GRIK5: variants seen among roughly 807,000 people sequenced by gnomAD.
GRIK5 encodes the protein glutamate receptor ionotropic, kainate 5.
A neutral mutation model predicts 97.4 loss-of-function variants in GRIK5; 43 were observed. The ratio of observed to expected loss-of-function variants is 0.44; its 90% CI spans 0.35 to 0.57. GRIK5 has a LOEUF of 0.57. Ranked by LOEUF, GRIK5 falls within the 20% of genes least tolerant of loss-of-function variation. GRIK5 has a pLI of 0.01. For missense variants in GRIK5, 1,015 were observed against 1,382.0 expected, an observed-to-expected ratio of 0.73 and a Z score of 4.21; for synonymous variants, 580 against 583.5, an observed-to-expected ratio of 0.99 and a Z score of 0.09.
chr19:42,034,614 C>A (rs983401880), intron 12 of GRIK5, among the ~76,000 whole-genome samples: 1 of 152,116 alleles, frequency 6.6e-6, no homozygotes, highest in Admixed American at 6.6e-5. Context: ...TGGTTCTAGG[C>A]GCTGGGGATG....
At chr19:42,033,801 G>C (rs1409161566) in intron 12 of GRIK5, among the ~76,000 whole-genome samples, 1 of 152,122 alleles carries the variant, frequency 6.6e-6, no homozygotes, top group African/African-American at 2.4e-5. Flanking sequence ...AGGAGTTCAA[G>C]ACCAGCATGG....
chr19:42,065,148 G>T lies in GRIK5; in HGVS notation c.244+75C>A. The stretch of plus-strand genomic sequence containing the variant: ...TAGAAGAGGACAAGGCCAGGCCAGA[G>T]GCCAGGGGCAGAGGGATGGACTGAG... On this transcript the variant is annotated intron_variant, in intron 3 of 19. Transcript: ENST00000593562. The surrounding 1 kb of genome is among the most constrained non-coding windows in gnomAD (Gnocchi z 5.8). The T allele has an allele frequency of 7.4e-7, 1 of 1,345,278 alleles. No homozygotes were observed. Among genetic ancestry groups the T allele is most frequent in the Non-Finnish European group, 1.0e-6 (1 of 970,770 alleles). 83.3% of individuals were successfully genotyped at this position (1,345,278 alleles called of 1,614,324 possible).
chr19:41,998,892 C>T lies in GRIK5; in HGVS notation c.2922G>A (p.Arg974=). 1.8e-6 allele frequency: 2 copies of T among 1,118,890 alleles called. No individual in the cohort carries two copies. Among genetic ancestry groups the T allele is most frequent in the Non-Finnish European group, 2.2e-6 (2 of 915,864 alleles). The allele number at this position is 1,118,890 out of a possible 1,614,324, so 69.3% of individuals were successfully genotyped here. ...PRPRPGPAGP[R]ELAEHE is the part of the protein sequence containing the mutation. ...GTGGTCACTCGTGCTCCGCCAGCTC[C>T]CGGGGGCCGGCGGGGCCAGGCCGCG... The change falls in exon 20 of 20, where the codon CGG becomes CGA. Residue 974 remains arginine, a synonymous_variant. Coordinates refer to ENST00000593562, the MANE Select transcript of GRIK5 (RefSeq NM_002088.5).
At chr19:42,018,747 T>G (rs1040315062) in intron 15 of GRIK5, among the ~76,000 whole-genome samples, 13 of 112,056 alleles carry the variant, frequency 1.2e-4, no homozygotes, top group Non-Finnish European at 1.7e-4. Context: ...AGCCCTCAGG[T>G]GTGGCTGCAG....
At chr19:42,023,072 G>A (rs778926786) in intron 12 of GRIK5, among the ~76,000 whole-genome samples, 21 of 152,112 alleles carry the variant, frequency 1.4e-4, no homozygotes, top group Non-Finnish European at 2.2e-4. Flanking sequence ...GTAGAGAGAG[G>A]TGGCACAGGC....
intron 15 of GRIK5, among the ~76,000 whole-genome samples, chr19:42,013,550 C>G (rs1252473484): frequency 2.6e-5 from 4 of 151,520 alleles, no homozygotes; most frequent in Non-Finnish European, 4.4e-5. Context: ...GCTGGGACTA[C>G]AGGCACCCGC....
In GRIK5 at chr19:42,002,230, G is replaced by C; in HGVS notation, c.2514+1102C>G. ...AGGAAAGAAGAAACTGGAAGCATCA[G>C]GGAGACCCCCCACTGCTGCCAAGGC... On this transcript the variant is annotated intron_variant, in intron 19 of 19. Coordinates refer to ENST00000593562, the MANE Select transcript of GRIK5 (RefSeq NM_002088.5). This position sits in a 1 kb window ranked among gnomAD's most constrained non-coding sequence, Gnocchi z 5.2. The C allele has an allele frequency of 1.4e-6, 1 of 717,624 alleles. No individual in the cohort carries two copies. The highest frequency in any genetic ancestry group is 2.6e-6 in the Non-Finnish European group (1 of 385,120). The allele number at this position is 717,624 out of a possible 1,614,324, so 44.5% of individuals were successfully genotyped here. A position where few individuals can be genotyped will look rare whatever the true frequency, so the allele number is the denominator to read the frequency against.
At chr19:42,030,880 A>G (rs1249910691) in intron 12 of GRIK5, among the ~76,000 whole-genome samples, 1 of 152,042 alleles carries the variant, frequency 6.6e-6, no homozygotes, top group East Asian at 1.9e-4. Flanking sequence ...ATCAGATCTG[A>G]TCAGCATACT....
chr19:42,062,944 G>C lies in GRIK5; in HGVS notation c.245-89C>G, dbSNP rs1360156426. The C allele has an allele frequency of 5.1e-6, 5 of 982,278 alleles. No homozygotes were observed. The highest frequency in any genetic ancestry group is 1.6e-5 in the African/African-American group (1 of 62,676). The allele number at this position is 982,278 out of a possible 1,614,324, so 60.8% of individuals were successfully genotyped here. On this transcript the variant is annotated intron_variant, in intron 3 of 19. Transcript: ENST00000593562. The surrounding 1 kb of genome is among the most constrained non-coding windows in gnomAD (Gnocchi z 5.3). Reference sequence around the variant, plus strand: ...CTCAGGGAGCCGCCATGGCCCAGGAGAGGATCAGACACTGGCAACTGCCTG... The same window carrying C: ...CTCAGGGAGCCGCCATGGCCCAGGACAGGATCAGACACTGGCAACTGCCTG...
In GRIK5 at chr19:42,059,427, G is replaced by C; in HGVS notation, c.609C>G (p.Leu203=). The C allele has an allele frequency of 6.2e-7, 1 of 1,613,974 alleles. No individual in the cohort carries two copies. Among genetic ancestry groups the C allele is most frequent in the Non-Finnish European group, 8.5e-7 (1 of 1,179,950 alleles). ...ACACCTTGTCATCACGGATCTCCTT[G>C]AGCAGTGGTGTGGGGTCCCGGCTGT... ...LDDSRDPTPL[L]KEIRDDKVST... is the part of the protein sequence containing the mutation. The change falls in exon 6 of 20, where the codon CTC becomes CTG. Residue 203 remains leucine (L), a synonymous_variant. Transcript: ENST00000593562.
Position 42,065,910 on chromosome 19 carries a change from C to A in GRIK5, c.-50-90G>T, listed in dbSNP as rs2076325298. On this transcript the variant is annotated intron_variant, in intron 1 of 19. Coordinates refer to ENST00000593562, the MANE Select transcript of GRIK5 (RefSeq NM_002088.5). The surrounding 1 kb of genome is among the most constrained non-coding windows in gnomAD (Gnocchi z 5.8). ...CTGCTGGATGGGGTGGTCACAGAAG[C>A]CTTGGGGACATTGTTGGCAAGCAGT... is the stretch of plus-strand genomic sequence containing the variant. The A allele has an allele frequency of 7.5e-6, 5 of 668,512 alleles. No individual in the cohort carries two copies. The highest frequency in any genetic ancestry group is 4.6e-5 in the Admixed American group (2 of 43,104). The allele number at this position is 668,512 out of a possible 1,614,324, so 41.4% of individuals were successfully genotyped here.
chr19:42,030,731 T>A (rs978092070), intron 12 of GRIK5, among the ~76,000 whole-genome samples: 7 of 152,128 alleles, frequency 4.6e-5, no homozygotes, highest in Non-Finnish European at 1.0e-4. Flanking sequence ...TCCAAAGTGC[T>A]GGGATTACAG....
At chr19:42,015,463 C>T (rs949110321) in intron 15 of GRIK5, among the ~76,000 whole-genome samples, 10 of 152,202 alleles carry the variant, frequency 6.6e-5, no homozygotes, top group Admixed American at 1.3e-4. Context: ...TCTCTGACCA[C>T]GATGGAGCTA....
intron 12 of GRIK5, among the ~76,000 whole-genome samples, chr19:42,023,257 G>A (rs945245008): frequency 2.6e-5 from 4 of 152,026 alleles, no homozygotes; most frequent in Non-Finnish European, 5.9e-5. Context: ...AAACCGAGGA[G>A]CAGAGTGAGA....
chr19:42,030,153 A>C lies in GRIK5; in HGVS notation c.1474-7799T>G, dbSNP rs578135869. Reference sequence around the variant, plus strand: ...CAAATAACTGATATGATTCTATTCAAGTAAATGGAGCTGGGTTTTGTTTTG... The same window carrying C: ...CAAATAACTGATATGATTCTATTCACGTAAATGGAGCTGGGTTTTGTTTTG... On this transcript the variant is annotated intron_variant, in intron 12 of 19. Coordinates refer to ENST00000593562, the MANE Select transcript of GRIK5 (RefSeq NM_002088.5). Among the ~76,000 whole-genome samples, 16 of 152,270 alleles carry C rather than the reference A, an allele frequency of 1.1e-4. No individual in the cohort carries two copies. In the South Asian group the frequency reaches 3.3e-3, roughly 32 times the overall value.
chr19:42,025,308 C>A (rs916568081), intron 12 of GRIK5, among the ~76,000 whole-genome samples: 14 of 152,152 alleles, frequency 9.2e-5, no homozygotes, highest in African/African-American at 3.4e-4. Flanking sequence ...AAGCCTCTTG[C>A]CACAGTTGAC....
chr19:42,048,721 A>G (rs907059378), intron 11 of GRIK5, among the ~76,000 whole-genome samples: 16 of 152,146 alleles, frequency 1.1e-4, no homozygotes, highest in Admixed American at 2.0e-4. Context: ...ATGAATAGGA[A>G]CCTTGCAAAT....
intron 12 of GRIK5, among the ~76,000 whole-genome samples, chr19:42,024,715 C>A (rs1462283251): frequency 6.6e-6 from 1 of 152,114 alleles, no homozygotes; most frequent in Non-Finnish European, 1.5e-5. Context: ...CGACGGCTCC[C>A]CCACCGCATT....
At position 42,022,409 on chromosome 19, in the gene GRIK5, T is replaced by C; in HGVS notation, c.1474-55A>G. ...AGGGGGACAGAGGGGAAGACAGAAG[T>C]GGACAGTTAGAGAGAAATGCACGGA... is the stretch of plus-strand genomic sequence containing the variant. On this transcript the variant is annotated intron_variant, in intron 12 of 19. Coordinates refer to ENST00000593562, the MANE Select transcript of GRIK5 (RefSeq NM_002088.5). The surrounding 1 kb of genome is among the most constrained non-coding windows in gnomAD (Gnocchi z 4.2). The C allele has an allele frequency of 6.5e-7, 1 of 1,542,032 alleles. No individual in the cohort carries two copies. The highest frequency in any genetic ancestry group is 1.1e-5 in the South Asian group (1 of 88,526).
Sources: gnomAD v4.1 joint callset for allele counts (sites outside exome capture counted in the v4.1 genomes callset) on GRCh38, gnomAD v4.1.1 for gene constraint, Gnocchi (gnomAD v3.1) non-coding constraint, MANE v1.5 for transcripts, NCBI Gene and HGNC (gene_info 2026-07-23, HGNC 2026-07-21) for gene names.